The following TRRAP variants were observed in gnomAD, a reference collection of about 807,000 sequenced individuals.
The protein encoded by TRRAP is transformation/transcription domain-associated protein.
TRRAP carries 41 observed loss-of-function variants against 438.8 expected under a neutral mutation model. The ratio of observed to expected loss-of-function variants is 0.09; its 90% CI spans 0.07 to 0.12. TRRAP has a LOEUF of 0.12. TRRAP is among the 10% of genes least tolerant of loss of function. The pLI, the probability that TRRAP is intolerant of heterozygous loss-of-function variation, is 1.00. For synonymous variants in TRRAP, 1,994 were observed against 1,962.9 expected (o/e 1.02, Z -0.42); for missense variants, 3,122 against 5,055.1 (o/e 0.62, Z 11.60).
chr7:98,891,496 C>T (rs1006501080), intron 4 of TRRAP, among the ~76,000 whole-genome samples: 3 of 150,770 alleles, frequency 2.0e-5, no homozygotes, highest in Non-Finnish European at 3.0e-5. Context: ...CCACTGCGCC[C>T]GGCCTACCAC....
rs1796050630 is a variant in TRRAP at position 98,893,170 on chromosome 7, T to A, written c.367-628T>A. On this transcript the variant is annotated intron_variant, in intron 5 of 72. Coordinates refer to ENST00000456197, the MANE Select transcript of TRRAP (RefSeq NM_001375524.1). ...TTTCGCCATGTTGGTCAGGCTTGTC[T>A]TGAACTCCTGACCTTGTGATCCACC... Among the ~76,000 whole-genome samples the A allele has an allele frequency of 2.0e-5, 3 of 152,172 alleles. No individual in the cohort carries two copies. The South Asian group carries it at 6.2e-4, about 32-fold the overall frequency.
At chr7:98,909,356 G>A (rs1166993828) in intron 14 of TRRAP, among the ~76,000 whole-genome samples, 14 of 152,138 alleles carry the variant, frequency 9.2e-5, no homozygotes, top group African/African-American at 2.4e-4. Context: ...CTGTAGGGGC[G>A]GCTTGATCGC....
At chr7:98,957,900 A>G in intron 43 of TRRAP, 81 bp from the exon 44 acceptor site, 1 of 1,246,862 alleles carries the variant, frequency 8.0e-7, no homozygotes, top group Non-Finnish European at 1.2e-6. Flanking sequence ...CCGCATACCC[A>G]TTAGCTGGGT....
At position 99,005,677 on chromosome 7, in the gene TRRAP, C is replaced by A. The variant is rs1352010017; in HGVS notation, c.10753+329C>A. On this transcript the variant is annotated intron_variant, in intron 69 of 72. Transcript: ENST00000456197. The surrounding 1 kb of genome is among the most constrained non-coding windows in gnomAD (Gnocchi z 5.1). ...ACTTTCTTAGGACATTATGAGATTTCTTTTTCTTTTTTTTTTTCTTTTTTA... is the reference window on the plus strand; with the variant it reads ...ACTTTCTTAGGACATTATGAGATTTATTTTTCTTTTTTTTTTTCTTTTTTA... Among the ~76,000 whole-genome samples, 2 of 147,986 alleles carry A rather than the reference C, an allele frequency of 1.4e-5. No individual in the cohort carries two copies. The highest frequency in any genetic ancestry group is 2.1e-4 in the South Asian group (1 of 4,830).
intron 31 of TRRAP, 29 bp downstream of exon 31, chr7:98,943,046 G>A: frequency 6.2e-7 from 1 of 1,612,878 alleles, no homozygotes; most frequent in Non-Finnish European, 8.5e-7. Flanking sequence ...TCTGGGAAGG[G>A]CACCAGCCGC....
rs1554408575 is a variant in TRRAP, at chr7:98,910,620, C to T, written c.1812+13C>T. Reference sequence around the variant, plus strand: ...AGATATTTATCAGGTAAGGAAGTGCCCTCCAGCCAGGCTTTCGCATATGGA... The same window carrying T: ...AGATATTTATCAGGTAAGGAAGTGCTCTCCAGCCAGGCTTTCGCATATGGA... On this transcript the variant is annotated intron_variant, in intron 16 of 72. Coordinates refer to ENST00000456197, the MANE Select transcript of TRRAP (RefSeq NM_001375524.1). The T allele has an allele frequency of 6.2e-7, 1 of 1,602,028 alleles. No individual in the cohort carries two copies. The highest frequency in any genetic ancestry group is 1.1e-5 in the South Asian group (1 of 89,050).
intron 40 of TRRAP, among the ~76,000 whole-genome samples, chr7:98,954,344 C>T (rs3801246): frequency 0.7 from 106,388 of 152,232 alleles, 41,679 homozygotes; most frequent in South Asian, 0.87. Flanking sequence ...CTCGAGCATG[C>T]GGCATTATTT....
At position 98,910,508 on chromosome 7, in the gene TRRAP, A is replaced by G; in HGVS notation, c.1715-2A>G. 1 of 1,614,052 alleles carries G rather than the reference A, an allele frequency of 6.2e-7. No homozygotes were observed. Among genetic ancestry groups the G allele is most frequent in the Non-Finnish European group, 8.5e-7 (1 of 1,180,020 alleles). ...TAACTTAATATACTTTCTCTTTTCC[A>G]GAAGCTCAGTTCATTCCCAACAAGC... On this transcript the variant is annotated splice_acceptor_variant, in intron 15 of 72. Transcript: ENST00000456197. LOFTEE classifies it high-confidence loss of function.
At chr7:98,993,363 G>A (rs1793512853) in intron 65 of TRRAP, among the ~76,000 whole-genome samples, 175 bp from the exon 66 acceptor site, 2 of 152,234 alleles carry the variant, frequency 1.3e-5, no homozygotes, top group South Asian at 2.1e-4. Flanking sequence ...GTCCCTCAGC[G>A]CACCTGCGCC....
intron 30 of TRRAP, 138 bp from the exon 31 acceptor site, chr7:98,942,811 G>A (rs1584340920): frequency 3.4e-6 from 3 of 874,868 alleles, no homozygotes; most frequent in African/African-American, 3.4e-5. Context: ...TCACTAGTTA[G>A]ATGGTTGCGC....
intron 12 of TRRAP, among the ~76,000 whole-genome samples, chr7:98,904,377 G>T (rs1470569913): frequency 6.6e-6 from 1 of 151,498 alleles, no homozygotes; most frequent in Non-Finnish European, 1.5e-5. Flanking sequence ...CAGCTGCTTG[G>T]GAGGCTGAGG....
In TRRAP at chr7:98,962,323, A is replaced by G. The variant is rs1425686308; in HGVS notation, c.6725A>G (p.Lys2242Arg). The change falls in exon 47 of 73, where the codon AAA becomes AGA. Residue 2242 changes from lysine to arginine, a missense_variant. Physicochemically the swap from Lys to Arg is conservative, Grantham distance 26. This residue lies in a region of TRRAP where 992 missense variants were observed against 1,281.2 expected (regional missense o/e 0.77). Transcript: ENST00000456197. ...GTAGGTACTTCCAGTGTGGCCTCCA[A>G]ATATGAAGAGCTGGAGTGCCTCTAC... ...TEPSTSSVAS[K>R]YEELECLYAA... is the part of the protein sequence containing the mutation. 9 of 1,614,140 alleles carry G rather than the reference A, an allele frequency of 5.6e-6. No homozygotes were observed. Among genetic ancestry groups the G allele is most frequent in the Admixed American group, 1.7e-5 (1 of 60,034 alleles).
At chr7:98,951,057 A>ATGTGTG (rs1162734325) in intron 39 of TRRAP, 53 bp downstream of exon 39, 7 of 662,136 alleles carry the variant, frequency 1.1e-5, no homozygotes, top group Non-Finnish European at 2.2e-6. Context: ...GTGGATGAAC[A>ATGTGTG]TCTGTGTGTG....
At chr7:98,909,006 T>A in intron 14 of TRRAP, 44 bp downstream of exon 14, 2 of 1,482,848 alleles carry the variant, frequency 1.3e-6, no homozygotes, top group Non-Finnish European at 1.8e-6. Flanking sequence ...CACTCTATCC[T>A]GTTTGTGGCT....
intron 61 of TRRAP, 103 bp downstream of exon 61, chr7:98,984,461 C>G (rs1793065229): frequency 7.2e-7 from 1 of 1,382,154 alleles, no homozygotes; most frequent in Admixed American, 2.6e-5. Context: ...GGAAGGTGGA[C>G]TCGAACTTTC....
At chr7:98,933,844 A>G (rs951752907) in intron 27 of TRRAP, among the ~76,000 whole-genome samples, 6 of 152,222 alleles carry the variant, frequency 3.9e-5, no homozygotes, top group Admixed American at 3.9e-4. Context: ...CCTGAAGTGT[A>G]GGGGTTGAGC....
Position 99,011,507 on chromosome 7 carries a change from C to A in TRRAP, c.11309C>A (p.Ala3770Asp). The A allele has an allele frequency of 6.2e-7, 1 of 1,614,106 alleles. No individual in the cohort carries two copies. The highest frequency in any genetic ancestry group is 8.5e-7 in the Non-Finnish European group (1 of 1,179,994). Residue 3770 changes from alanine (A) to aspartate (D), a missense_variant, in exon 72 of 73, where the codon GCC becomes GAC. Coordinates refer to ENST00000456197, the MANE Select transcript of TRRAP (RefSeq NM_001375524.1). The surrounding 1 kb of genome is among the most constrained non-coding windows in gnomAD (Gnocchi z 7.1). The part of the protein sequence containing the change: ...GPLTASMIAV[A>D]RCFAQPNFKV... ...TTGACAGCGTCCATGATTGCGGTCG[C>A]CCGGTGCTTCGCCCAGCCAAACTTT... is the stretch of plus-strand genomic sequence containing the variant.
chr7:98,985,540 G>A (rs1205264565), intron 62 of TRRAP, among the ~76,000 whole-genome samples: 4 of 152,232 alleles, frequency 2.6e-5, no homozygotes, highest in Admixed American at 6.5e-5. Flanking sequence ...GGTCTGCAGA[G>A]CCTAAACCAT....
Position 98,931,624 on chromosome 7 carries a change from A to G in TRRAP, c.3811A>G (p.Thr1271Ala), listed in dbSNP as rs1446086525. 1.9e-6 allele frequency: 3 copies of G among 1,614,110 alleles called. No individual in the cohort carries two copies. Among genetic ancestry groups the G allele is most frequent in the South Asian group, 1.1e-5 (1 of 91,094 alleles). The change falls in exon 26 of 73, where the codon ACT becomes GCT. Residue 1271 changes from threonine to alanine, a missense_variant. This residue lies in a region of TRRAP where 153 missense variants were observed against 223.0 expected (regional missense o/e 0.69). Coordinates refer to ENST00000456197, the MANE Select transcript of TRRAP (RefSeq NM_001375524.1). ...TTCGCTGCAGGTGTTGGCCCAGGTC[A>G]CTGGGAAGAGTGTCACGGTGATCAT... ...MHSLQVLAQV[T>A]GKSVTVIMEP...
Sources: gnomAD v4.1 joint callset for allele counts (sites outside exome capture counted in the v4.1 genomes callset) on GRCh38, gnomAD v4.1.1 for gene constraint, gnomAD v4.1.1 regional missense constraint, Gnocchi (gnomAD v3.1) non-coding constraint, MANE v1.5 for transcripts, NCBI Gene and HGNC (gene_info 2026-07-23, HGNC 2026-07-21) for gene names.